Variants in NEK11 observed in about 807,000 individuals in gnomAD.
NEK11 encodes the protein serine/threonine-protein kinase Nek11.
A neutral mutation model predicts 80.7 loss-of-function variants in NEK11; 72 were observed. That is an observed-to-expected ratio of 0.89 (90% CI 0.74 to 1.08). The LOEUF (loss-of-function observed/expected upper bound fraction) is 1.08. Among genes scored for constraint, NEK11 ranks in the 50% least tolerant of loss-of-function variants. NEK11 has a pLI of 0.00. For synonymous variants in NEK11, 251 were observed against 260.7 expected (o/e 0.96, Z 0.36); for missense variants, 764 against 763.6 (o/e 1.00, Z -0.01).
At chr3:131,208,757 T>C (rs1413484687) in intron 14 of NEK11, among the ~76,000 whole-genome samples, 1 of 152,196 alleles carries the variant, frequency 6.6e-6, no homozygotes, top group Non-Finnish European at 1.5e-5. Context: ...ATGATTTGGC[T>C]CTCTGTTTGT....
chr3:131,290,817 T>C (rs2096536030), intron 17 of NEK11, among the ~76,000 whole-genome samples: 1 of 152,102 alleles, frequency 6.6e-6, no homozygotes, highest in African/African-American at 2.4e-5. Flanking sequence ...CACAGCAAAA[T>C]TGAGAGGAAG....
Position 131,075,044 on chromosome 3 carries a change from C to G in NEK11, c.171-5379C>G, listed in dbSNP as rs16835711. Among the ~76,000 whole-genome samples, 2,420 of 152,280 alleles carry G rather than the reference C, an allele frequency of 0.016. 191 individuals carry two copies. In the East Asian group the frequency reaches 0.23, roughly 14 times the overall value. ...TCAAAGTCTTTGGCAGTTTGTTCCT[C>G]AGTTGCTGATGTCTGCCATGGGCAC... is the stretch of plus-strand genomic sequence containing the variant. On this transcript the variant is annotated intron_variant, in intron 3 of 17. Coordinates refer to ENST00000383366, the MANE Select transcript of NEK11 (RefSeq NM_024800.5).
intron 17 of NEK11, among the ~76,000 whole-genome samples, chr3:131,312,722 G>A (rs1327791364): frequency 6.6e-6 from 1 of 152,084 alleles, no homozygotes; most frequent in African/African-American, 2.4e-5. Context: ...GGGTGATTCA[G>A]CCAAGTTTCA....
intron 7 of NEK11, among the ~76,000 whole-genome samples, chr3:131,144,633 C>T (rs2149727021): frequency 6.6e-6 from 1 of 152,294 alleles, no homozygotes; most frequent in South Asian, 2.1e-4. Flanking sequence ...TTGGGAAACA[C>T]TGACAGTGGT....
intron 3 of NEK11, among the ~76,000 whole-genome samples, chr3:131,066,214 TG>T (rs1380393783): frequency 6.6e-6 from 1 of 152,262 alleles, no homozygotes; most frequent in African/African-American, 2.4e-5. Flanking sequence ...GAGCTCCTGC[TG>T]GCCGCTGCTT....
chr3:131,058,397 TTAAAG>T (rs1404989468), intron 3 of NEK11, among the ~76,000 whole-genome samples: 1 of 152,154 alleles, frequency 6.6e-6, no homozygotes, highest in African/African-American at 2.4e-5. Flanking sequence ...CATATGAACT[TTAAAG>T]TAGTTTTTTC....
At chr3:131,192,899 G>A (rs1262223357) in intron 14 of NEK11, among the ~76,000 whole-genome samples, 5 of 152,104 alleles carry the variant, frequency 3.3e-5, no homozygotes, top group East Asian at 1.9e-4. Context: ...TGTGGTAATC[G>A]GCTGGTGTCC....
intron 14 of NEK11, among the ~76,000 whole-genome samples, chr3:131,208,238 C>A (rs2094502675): frequency 6.6e-6 from 1 of 152,134 alleles, no homozygotes; most frequent in Non-Finnish European, 1.5e-5. Flanking sequence ...TTCCCCATTT[C>A]TTGTTTTTGT....
chr3:131,159,882 A>G (rs2091303953), intron 10 of NEK11, among the ~76,000 whole-genome samples: 1 of 152,226 alleles, frequency 6.6e-6, no homozygotes. Flanking sequence ...AATAGAGAAA[A>G]AGGAATGAAT....
chr3:131,030,005 C>A, intron 3 of NEK11, 127 bp downstream of exon 3: 1 of 817,972 alleles, frequency 1.2e-6, no homozygotes, highest in Non-Finnish European at 1.9e-6. Flanking sequence ...TGTGGGTGGC[C>A]AAGGTTGGCA....
intron 10 of NEK11, among the ~76,000 whole-genome samples, chr3:131,160,125 C>A (rs371463526): frequency 6.6e-6 from 1 of 152,082 alleles, no homozygotes; most frequent in African/African-American, 2.4e-5. Context: ...GACACATAAT[C>A]GTGAGGTTTT....
intron 14 of NEK11, among the ~76,000 whole-genome samples, chr3:131,217,212 A>G (rs546413601): frequency 9.8e-5 from 15 of 152,326 alleles, no homozygotes; most frequent in African/African-American, 3.6e-4. Context: ...AAAATACAAT[A>G]TATGTTGAAT....
At chr3:131,054,291 A>G (rs2068954178) in intron 3 of NEK11, among the ~76,000 whole-genome samples, 1 of 152,194 alleles carries the variant, frequency 6.6e-6, no homozygotes. Context: ...AGCTCATGCC[A>G]TTCTGGCCTG....
chr3:131,203,854 A>C (rs2094357441), intron 14 of NEK11, among the ~76,000 whole-genome samples: 1 of 140,888 alleles, frequency 7.1e-6, no homozygotes, highest in African/African-American at 2.6e-5. Flanking sequence ...TTCCTAGCTC[A>C]TAACTTCCAT....
At chr3:131,247,433 A>G (rs2095621454) in intron 16 of NEK11, among the ~76,000 whole-genome samples, 1 of 152,064 alleles carries the variant, frequency 6.6e-6, no homozygotes, top group Admixed American at 6.6e-5. Flanking sequence ...AGCTATAAGT[A>G]TATGGCTTTA....
At chr3:131,047,042 A>G (rs2067507463) in intron 3 of NEK11, among the ~76,000 whole-genome samples, 1 of 152,090 alleles carries the variant, frequency 6.6e-6, no homozygotes, top group Non-Finnish European at 1.5e-5. Flanking sequence ...CTTGTTTTCA[A>G]GGTCTGAAGT....
chr3:131,145,835 T>C (rs2088084261), intron 7 of NEK11, among the ~76,000 whole-genome samples: 1 of 152,144 alleles, frequency 6.6e-6, no homozygotes, highest in African/African-American at 2.4e-5. Context: ...GGAATAATAA[T>C]AGTTCCTACC....
At chr3:131,115,933 TCTTTC>T (rs1165227842) in intron 5 of NEK11, among the ~76,000 whole-genome samples, 2 of 116,034 alleles carry the variant, frequency 1.7e-5, no homozygotes, top group Admixed American at 1.8e-4. Flanking sequence ...TTTCTTTCTT[TCTTTC>T]TTTCTTTCTT....
intron 17 of NEK11, among the ~76,000 whole-genome samples, chr3:131,315,464 T>C (rs1444292464): frequency 1.8e-5 from 2 of 112,916 alleles, no homozygotes; most frequent in Non-Finnish European, 3.9e-5. Flanking sequence ...CTGAATAATA[T>C]TCCTGTGTGT....
Sources: gnomAD v4.1 joint callset for allele counts (sites outside exome capture counted in the v4.1 genomes callset) on GRCh38, gnomAD v4.1.1 for gene constraint, MANE v1.5 for transcripts, NCBI Gene and HGNC (gene_info 2026-07-23, HGNC 2026-07-21) for gene names.